Variants in MYO3B observed in about 807,000 individuals in gnomAD.
The protein encoded by MYO3B is myosin IIIB.
MYO3B carries 156 observed loss-of-function variants against 174.6 expected under a neutral mutation model. The ratio of observed to expected loss-of-function variants is 0.89; its 90% CI spans 0.78 to 1.02. The LOEUF (loss-of-function observed/expected upper bound fraction) is 1.02. MYO3B is among the 50% of genes least tolerant of loss of function. The probability of loss-of-function intolerance (pLI) is 0.00; values close to 1 mark genes in which losing one functional copy is unlikely to be tolerated. For missense variants in MYO3B, 1,632 were observed against 1,639.4 expected, an observed-to-expected ratio of 1.00 and a Z score of 0.08; for synonymous variants, 563 against 569.1, an observed-to-expected ratio of 0.99 and a Z score of 0.15.
At chr2:170,527,720 T>C (rs763434980) in intron 30 of MYO3B, among the ~76,000 whole-genome samples, 1 of 152,240 alleles carries the variant, frequency 6.6e-6, no homozygotes, top group Non-Finnish European at 1.5e-5. Flanking sequence ...CTTGGGCAAG[T>C]GTGTTTCTAA....
At chr2:170,354,150 C>G (rs960714617) in intron 8 of MYO3B, among the ~76,000 whole-genome samples, 4 of 152,230 alleles carry the variant, frequency 2.6e-5, no homozygotes, top group African/African-American at 9.6e-5. Flanking sequence ...TCAGACAACC[C>G]TGTTTAATGC....
At chr2:170,282,330 A>G (rs994987161) in intron 7 of MYO3B, among the ~76,000 whole-genome samples, 5 of 152,118 alleles carry the variant, frequency 3.3e-5, no homozygotes, top group African/African-American at 1.2e-4. Flanking sequence ...ATAGATAACC[A>G]ATTTTCCCAG....
intron 32 of MYO3B, among the ~76,000 whole-genome samples, chr2:170,584,604 G>C (rs1007360900): frequency 1.3e-5 from 2 of 152,184 alleles, no homozygotes; most frequent in African/African-American, 4.8e-5. Context: ...AATTGCATAA[G>C]TGCCAGAGAA....
intron 7 of MYO3B, among the ~76,000 whole-genome samples, chr2:170,285,468 C>T (rs1467784462): frequency 1.3e-5 from 2 of 151,798 alleles, no homozygotes; most frequent in Non-Finnish European, 2.9e-5. Flanking sequence ...TCAAGTGATT[C>T]TCCTGCCTCA....
In MYO3B at chr2:170,568,923, C is replaced by CA. The variant is rs148765927; in HGVS notation, c.3733+24941dup. Among the ~76,000 whole-genome samples, 1,200 of 152,124 alleles carry CA rather than the reference C, an allele frequency of 7.9e-3. 14 individuals carry two copies. The highest frequency in any genetic ancestry group is 0.026 in the African/African-American group (1,096 of 41,488). On this transcript the variant is annotated intron_variant, in intron 32 of 34. Transcript: ENST00000408978. ...AAAAGATGTTTAGGGAAAAGGTCTA[C>CA]AAAAAATGAACTTGGTGACATGTGT...
chr2:170,556,643 T>C (rs1331625914), intron 32 of MYO3B, among the ~76,000 whole-genome samples: 2 of 152,196 alleles, frequency 1.3e-5, no homozygotes, highest in Non-Finnish European at 2.9e-5. Flanking sequence ...TGCCTCAGCT[T>C]CCCAAGTAGC....
rs140785838 is a variant in MYO3B at position 170,548,733 on chromosome 2, T to A, written c.3733+4745T>A. Reference sequence around the variant, plus strand: ...TATTCTTTGTATCTAGGGGCATGATTATTAACAGCAGTTATCACATTGGGC... The same window carrying A: ...TATTCTTTGTATCTAGGGGCATGATAATTAACAGCAGTTATCACATTGGGC... On this transcript the variant is annotated intron_variant, in intron 32 of 34. Coordinates refer to ENST00000408978, the MANE Select transcript of MYO3B (RefSeq NM_138995.5). 2.6e-3 allele frequency among the ~76,000 whole-genome samples: 395 copies of A among 152,356 alleles called. 1 individual carries two copies. Among genetic ancestry groups the A allele is most frequent in the Admixed American group, 6.3e-3 (96 of 15,304 alleles).
At chr2:170,236,212 G>A (rs553175733) in intron 7 of MYO3B, 76 bp downstream of exon 7, 3 of 1,570,024 alleles carry the variant, frequency 1.9e-6, no homozygotes, top group Non-Finnish European at 2.6e-6. Context: ...TAAATAGTTT[G>A]CAAGCAATTT....
chr2:170,263,217 A>G (rs929975279), intron 7 of MYO3B, among the ~76,000 whole-genome samples: 1 of 152,226 alleles, frequency 6.6e-6, no homozygotes, highest in Admixed American at 6.5e-5. Flanking sequence ...TCTCCTCCGC[A>G]TAGTGAGTGT....
chr2:170,621,086 A>G (rs1361315031), intron 32 of MYO3B, among the ~76,000 whole-genome samples: 1 of 151,892 alleles, frequency 6.6e-6, no homozygotes, highest in African/African-American at 2.4e-5. Context: ...ACAGGGTTTC[A>G]CCATCTCGGC....
At chr2:170,346,893 C>A (rs988593588) in intron 8 of MYO3B, among the ~76,000 whole-genome samples, 21 of 152,206 alleles carry the variant, frequency 1.4e-4, no homozygotes, top group African/African-American at 4.6e-4. Context: ...GATAGAGCAT[C>A]ATGATCGCTT....
intron 23 of MYO3B, among the ~76,000 whole-genome samples, chr2:170,450,444 C>G (rs1289306311): frequency 2.0e-5 from 3 of 151,984 alleles, no homozygotes; most frequent in African/African-American, 7.2e-5. Flanking sequence ...AAAATGATAA[C>G]CCAGAAATTT....
At chr2:170,485,443 A>AGC (rs1553506338) in intron 25 of MYO3B, among the ~76,000 whole-genome samples, 1 of 150,750 alleles carries the variant, frequency 6.6e-6, no homozygotes, top group East Asian at 1.9e-4. Context: ...AGAGAGAGAG[A>AGC]GCGAGTGAGT....
At chr2:170,588,752 T>C (rs769612722) in intron 32 of MYO3B, among the ~76,000 whole-genome samples, 7 of 152,212 alleles carry the variant, frequency 4.6e-5, no homozygotes, top group Non-Finnish European at 7.3e-5. Context: ...GTTCAAGCTA[T>C]TGCTGCAGCT....
At chr2:170,453,565 T>C (rs994208505) in intron 23 of MYO3B, among the ~76,000 whole-genome samples, 2 of 152,058 alleles carry the variant, frequency 1.3e-5, no homozygotes, top group African/African-American at 4.8e-5. Flanking sequence ...GCTCCCTTTC[T>C]CTGCAACTTT....
intron 32 of MYO3B, among the ~76,000 whole-genome samples, chr2:170,551,356 A>ATTTG (rs1267353928): frequency 7.5e-6 from 1 of 133,778 alleles, no homozygotes; most frequent in Non-Finnish European, 1.5e-5. Context: ...TTAATTATTT[A>ATTTG]TTTATTTATT....
At chr2:170,580,718 A>ATGTGTGTGTGTGTG (rs59092368) in intron 32 of MYO3B, among the ~76,000 whole-genome samples, 156 of 142,768 alleles carry the variant, frequency 1.1e-3, no homozygotes, top group South Asian at 1.6e-3. Flanking sequence ...AACCTTATAT[A>ATGTGTGTGTGTGTG]TGTGTGTGTG....
chr2:170,494,390 C>A (rs936765815), intron 25 of MYO3B, among the ~76,000 whole-genome samples: 3 of 150,866 alleles, frequency 2.0e-5, no homozygotes, highest in Non-Finnish European at 4.4e-5. Context: ...AAATTTATGT[C>A]TTCATAAAAT....
chr2:170,565,289 T>C (rs1294099149), intron 32 of MYO3B, among the ~76,000 whole-genome samples: 5 of 152,254 alleles, frequency 3.3e-5, no homozygotes, highest in Admixed American at 6.5e-5. Context: ...CAGCAATACC[T>C]GTTTTATAAA....
Sources: allele counts gnomAD v4.1 joint callset (sites outside exome capture counted in the v4.1 genomes callset), GRCh38; gene constraint gnomAD v4.1.1; transcripts MANE v1.5; gene names NCBI Gene and HGNC (gene_info 2026-07-23, HGNC 2026-07-21).